Variants in HELLS observed in about 807,000 individuals in gnomAD.
HELLS encodes lymphoid-specific helicase.
HELLS carries 32 observed loss-of-function variants against 120.0 expected under a neutral mutation model. The ratio of observed to expected loss-of-function variants is 0.27; its 90% confidence interval spans 0.20 to 0.36. HELLS has a LOEUF of 0.36. Among genes scored for constraint, HELLS ranks in the 10% least tolerant of loss-of-function variants. The pLI, the probability that HELLS is intolerant of heterozygous loss-of-function variation, is 1.00. For synonymous variants in HELLS, 341 were observed against 323.4 expected (o/e 1.05, Z -0.58); for missense variants, 650 against 993.4 (o/e 0.65, Z 4.65).
At chr10:94,579,859 C>G (rs79615890) in intron 10 of HELLS, among the ~76,000 whole-genome samples, 1 of 151,964 alleles carries the variant, frequency 6.6e-6, no homozygotes, top group East Asian at 1.9e-4. Flanking sequence ...AACATGAAGA[C>G]CCTTCCTGTA....
chr10:94,562,244 A>C (rs753662140), intron 4 of HELLS, among the ~76,000 whole-genome samples: 1 of 151,666 alleles, frequency 6.6e-6, no homozygotes, highest in Non-Finnish European at 1.5e-5. Flanking sequence ...CTCTACTAAA[A>C]ATACAAAAAT....
chr10:94,546,997 C>G (rs903800429), intron 2 of HELLS, among the ~76,000 whole-genome samples: 1 of 152,152 alleles, frequency 6.6e-6, no homozygotes, highest in African/African-American at 2.4e-5. Context: ...GATCAACTTG[C>G]TGTTTGTTTT....
intron 8 of HELLS, 53 bp from the exon 9 acceptor site, chr10:94,574,501 T>C (rs868633524): frequency 1.6e-6 from 2 of 1,287,968 alleles, no homozygotes; most frequent in Non-Finnish European, 2.2e-6. Flanking sequence ...AATATTGTAA[T>C]CCTGTAGTTG....
chr10:94,555,827 A>G (rs1207475109), intron 3 of HELLS, among the ~76,000 whole-genome samples: 2 of 152,034 alleles, frequency 1.3e-5, no homozygotes, highest in African/African-American at 2.4e-5. Flanking sequence ...CAGTTTTGCC[A>G]TGTTGCCGAG....
intron 9 of HELLS, among the ~76,000 whole-genome samples, chr10:94,575,098 ATTTTT>A (rs570447113): frequency 2.5e-5 from 3 of 121,784 alleles, no homozygotes; most frequent in African/African-American, 6.2e-5. Flanking sequence ...ACCTTCTGCA[ATTTTT>A]TTTTTTTTTT....
exon 10 of HELLS, chr10:94,612,339 G>A (rs1846201604): frequency 6.6e-6 from 1 of 152,194 alleles, no homozygotes; most frequent in Admixed American, 6.5e-5. Flanking sequence ...CAGAAAAAAG[G>A]AAGTTAATGT....
At position 94,594,778 on chromosome 10, in the gene HELLS, A is replaced by G. The variant is rs746276855; in HGVS notation, c.2172A>G (p.Thr724=). ...TKPVVVYRLV[T]ANTIDQKIVE... ...CAGTTGTTGTTTATCGCCTTGTTAC[A>G]GCAAATACTATCGATCAGAAAATTG... is the stretch of plus-strand genomic sequence containing the variant. Residue 724 remains threonine (T), a synonymous_variant, in exon 19 of 22, where the codon ACA becomes ACG. Transcript: ENST00000348459. 30 of 1,613,762 alleles carry G rather than the reference A, an allele frequency of 1.9e-5. No homozygotes were observed. Among genetic ancestry groups the G allele is most frequent in the Admixed American group, 1.5e-4 (9 of 60,000 alleles).
intron 21 of HELLS, among the ~76,000 whole-genome samples, chr10:94,597,678 GCCTGCCA>G (rs1845803587): frequency 6.6e-6 from 1 of 151,828 alleles, no homozygotes; most frequent in African/African-American, 2.4e-5. Context: ...TATTACAGTC[GCCTGCCA>G]CCACACCTGG....
chr10:94,546,525 G>T (rs373723210), intron 2 of HELLS, 27 bp downstream of exon 2: 5 of 1,613,184 alleles, frequency 3.1e-6, no homozygotes, highest in South Asian at 1.1e-5. Flanking sequence ...GTTCGTCGTC[G>T]TGAAAGCCTG....
At chr10:94,561,298 T>G (rs1843544819) in intron 4 of HELLS, among the ~76,000 whole-genome samples, 1 of 152,146 alleles carries the variant, frequency 6.6e-6, no homozygotes, top group Non-Finnish European at 1.5e-5. Flanking sequence ...CCTAGGGGTT[T>G]TGAAGAACAT....
At chr10:94,600,804 A>G (rs1845998178) in intron 21 of HELLS, among the ~76,000 whole-genome samples, 1 of 152,216 alleles carries the variant, frequency 6.6e-6, no homozygotes. Flanking sequence ...AAATTATATG[A>G]TAGGTTTCAT....
chr10:94,588,874 C>T (rs188323046), intron 13 of HELLS, among the ~76,000 whole-genome samples: 34 of 151,762 alleles, frequency 2.2e-4, no homozygotes, highest in Non-Finnish European at 4.6e-4. Flanking sequence ...AGGCCAGGCA[C>T]GGTGGCTCAT....
intron 8 of HELLS, 129 bp from the exon 9 acceptor site, chr10:94,574,425 G>C: frequency 1.3e-6 from 1 of 767,882 alleles, no homozygotes; most frequent in Non-Finnish European, 2.1e-6. Context: ...ATAATTTATG[G>C]TGTGAATATA....
intron 8 of HELLS, among the ~76,000 whole-genome samples, chr10:94,607,253 C>A (rs947527730): frequency 1.3e-5 from 2 of 152,082 alleles, no homozygotes; most frequent in Non-Finnish European, 2.9e-5. Flanking sequence ...TTAGTGAAAA[C>A]CTCTATCTAA....
At chr10:94,604,718 CTGTG>C (rs1846108727), downstream of HELLS, among the ~76,000 whole-genome samples, 1 of 151,986 alleles carries the variant, frequency 6.6e-6, no homozygotes, top group Non-Finnish European at 1.5e-5. Flanking sequence ...TTTATTATGG[CTGTG>C]TAAGTATTAT....
intron 6 of HELLS, among the ~76,000 whole-genome samples, chr10:94,565,345 A>G (rs535422602): frequency 6.6e-6 from 1 of 151,816 alleles, no homozygotes; most frequent in African/African-American, 2.4e-5. Flanking sequence ...AAAAAAAACA[A>G]AGTTAGGGTC....
At chr10:94,582,199 T>G (rs1275038554) in intron 11 of HELLS, among the ~76,000 whole-genome samples, 1 of 152,162 alleles carries the variant, frequency 6.6e-6, no homozygotes, top group Non-Finnish European at 1.5e-5. Flanking sequence ...AATTTTAAAT[T>G]TTGGGAATTT....
downstream of HELLS, among the ~76,000 whole-genome samples, chr10:94,604,274 G>T (rs570059109): frequency 6.6e-6 from 1 of 151,772 alleles, no homozygotes; most frequent in African/African-American, 2.4e-5. Flanking sequence ...AGAAGTGTGC[G>T]CCACCACACC....
At chr10:94,579,634 T>G (rs893562024) in intron 10 of HELLS, among the ~76,000 whole-genome samples, 3 of 151,766 alleles carry the variant, frequency 2.0e-5, no homozygotes, top group Non-Finnish European at 4.4e-5. Context: ...CTGAATCTCC[T>G]GGGCTCAAGT....
Sources: allele counts gnomAD v4.1 joint callset (sites outside exome capture counted in the v4.1 genomes callset), GRCh38; gene constraint gnomAD v4.1.1; transcripts MANE v1.5; gene names NCBI Gene and HGNC (gene_info 2026-07-23, HGNC 2026-07-21).